Variants in PRKG1 observed in about 807,000 individuals in gnomAD.
PRKG1 encodes the protein protein kinase cGMP-dependent 1.
PRKG1 carries 35 observed loss-of-function variants against 88.1 expected under a neutral mutation model. The ratio of observed to expected loss-of-function variants is 0.40; its 90% confidence interval spans 0.30 to 0.53. The LOEUF (loss-of-function observed/expected upper bound fraction) is 0.53, where lower values mean the gene tolerates loss of function less well. Ranked by LOEUF, PRKG1 falls within the 20% of genes least tolerant of loss-of-function variation. PRKG1 has a pLI of 0.59. For synonymous variants in PRKG1, 303 were observed against 292.5 expected, an observed-to-expected ratio of 1.04 and a Z score of -0.37; for missense variants, 540 against 839.8, an observed-to-expected ratio of 0.64 and a Z score of 4.41.
rs79184303 is a variant in PRKG1, at chr10:51,403,841, T to C, written c.479-63882T>C. 1.1e-4 allele frequency among the ~76,000 whole-genome samples: 17 copies of C among 152,312 alleles called. No individual in the cohort carries two copies. The East Asian group carries it at 2.9e-3, about 26-fold the overall frequency. ...TAATCTATGTGCTTTATCTCATATA[T>C]TGACATATAACAATTATAAAAGAAA... is the stretch of plus-strand genomic sequence containing the variant. On this transcript the variant is annotated intron_variant, in intron 2 of 17. Transcript: ENST00000373980.
rs1304960390 is a variant in PRKG1, at chr10:51,627,990, TTCTCTCTC to T, written c.592+160168_592+160175del. Among the ~76,000 whole-genome samples the T allele has an allele frequency of 3.6e-4, 13 of 36,204 alleles. 1 individual carries two copies. Among genetic ancestry groups the T allele is most frequent in the Admixed American group, 1.6e-3 (5 of 3,128 alleles). The allele number at this position is 36,204 out of a possible 152,430, so 23.8% of individuals were successfully genotyped here. On this transcript the variant is annotated intron_variant, in intron 3 of 17. Transcript: ENST00000373980. ...TCTTTCTCTTTCTTTCTTTCTTTCT[TTCTCTCTC>T]TCTCTCTCTCTCTTTCTTTCTTTCT... is the stretch of plus-strand genomic sequence containing the variant.
intron 2 of PRKG1, among the ~76,000 whole-genome samples, chr10:51,439,147 C>T (rs367728513): frequency 1.4e-3 from 213 of 151,802 alleles, no homozygotes; most frequent in African/African-American, 5.0e-3. Context: ...CATGTCATGA[C>T]TTTGACCTTC....
At chr10:51,941,909 A>C (rs1842917575) in intron 5 of PRKG1, among the ~76,000 whole-genome samples, 1 of 151,982 alleles carries the variant, frequency 6.6e-6, no homozygotes, top group East Asian at 1.9e-4. Context: ...TGCCGCAATA[A>C]ACATATGTGT....
chr10:51,599,740 A>T (rs1838549393), intron 3 of PRKG1, among the ~76,000 whole-genome samples: 1 of 152,174 alleles, frequency 6.6e-6, no homozygotes, highest in Non-Finnish European at 1.5e-5. Flanking sequence ...GGCTATTTTA[A>T]TGCAAACTTG....
chr10:52,143,760 T>G (rs1837649580), intron 8 of PRKG1, among the ~76,000 whole-genome samples: 1 of 152,174 alleles, frequency 6.6e-6, no homozygotes, highest in Admixed American at 6.5e-5. Flanking sequence ...CAATACCTTC[T>G]GCCAACAAAG....
intron 3 of PRKG1, among the ~76,000 whole-genome samples, chr10:51,722,280 A>G (rs1224166572): frequency 6.6e-6 from 1 of 151,902 alleles, no homozygotes; most frequent in Non-Finnish European, 1.5e-5. Flanking sequence ...TTGCCATCAC[A>G]ATTTTCTTCT....
Position 51,839,691 on chromosome 10 carries a change from A to G in PRKG1, c.698+35001A>G, listed in dbSNP as rs192082280. Among the ~76,000 whole-genome samples, 181 of 152,294 alleles carry G rather than the reference A, an allele frequency of 1.2e-3. 1 individual carries two copies. The highest frequency in any genetic ancestry group is 4.2e-3 in the African/African-American group (174 of 41,566). On this transcript the variant is annotated intron_variant, in intron 4 of 17. Coordinates refer to ENST00000373980, the MANE Select transcript of PRKG1 (RefSeq NM_006258.4). ...AGTGGTTTACTAACCAATATTCTAC[A>G]GGGAAGAATTATTCTTTACCTTATG...
chr10:52,121,366 C>T (rs1373524276), intron 7 of PRKG1, among the ~76,000 whole-genome samples: 2 of 152,186 alleles, frequency 1.3e-5, no homozygotes, highest in Non-Finnish European at 2.9e-5. Context: ...AGTCGCTTGA[C>T]CACACGGTTA....
intron 1 of PRKG1, among the ~76,000 whole-genome samples, chr10:51,094,697 AC>A (rs1844487596): frequency 6.6e-6 from 1 of 152,102 alleles, no homozygotes; most frequent in African/African-American, 2.4e-5. Flanking sequence ...GAAATAGGAA[AC>A]ACAAAAGCTG....
intron 7 of PRKG1, among the ~76,000 whole-genome samples, chr10:52,088,563 GAAC>G (rs900404429): frequency 6.6e-6 from 1 of 152,072 alleles, no homozygotes; most frequent in African/African-American, 2.4e-5. Context: ...TGCTGTGTGT[GAAC>G]ACAGCGTTCA....
At chr10:52,167,352 C>T (rs1838511161) in intron 9 of PRKG1, among the ~76,000 whole-genome samples, 1 of 152,012 alleles carries the variant, frequency 6.6e-6, no homozygotes, top group South Asian at 2.1e-4. Flanking sequence ...AAAAGAGATC[C>T]ACCCCTATAA....
chr10:51,613,477 A>G (rs1033330745), intron 3 of PRKG1, among the ~76,000 whole-genome samples: 8 of 151,194 alleles, frequency 5.3e-5, no homozygotes. Flanking sequence ...TTTTCATTTT[A>G]TTGATTCTTT....
intron 3 of PRKG1, among the ~76,000 whole-genome samples, chr10:51,600,309 T>G (rs1424611858): frequency 2.6e-5 from 4 of 152,160 alleles, no homozygotes; most frequent in Non-Finnish European, 5.9e-5. Context: ...CACTACTGAT[T>G]ATGGCCTTCT....
chr10:51,443,867 C>A (rs2132753846), intron 2 of PRKG1, among the ~76,000 whole-genome samples: 1 of 152,056 alleles, frequency 6.6e-6, no homozygotes, highest in African/African-American at 2.4e-5. Flanking sequence ...ATAACTGTTG[C>A]ACATCTTGAA....
At chr10:51,336,633 G>A (rs1841883320) in intron 2 of PRKG1, among the ~76,000 whole-genome samples, 1 of 152,084 alleles carries the variant, frequency 6.6e-6, no homozygotes. Context: ...GAAATTGTTT[G>A]GCATTTTGTT....
chr10:52,120,479 T>C (rs1038780472), intron 7 of PRKG1, among the ~76,000 whole-genome samples: 3 of 152,182 alleles, frequency 2.0e-5, no homozygotes, highest in Non-Finnish European at 4.4e-5. Context: ...TCTCTCCAGC[T>C]GTGAGCCTAT....
chr10:52,074,206 T>C (rs1846575181), intron 7 of PRKG1, among the ~76,000 whole-genome samples: 1 of 152,174 alleles, frequency 6.6e-6, no homozygotes, highest in Non-Finnish European at 1.5e-5. Context: ...GTTGGGAAAT[T>C]GGTTTTTTAG....
chr10:51,027,238 A>G (rs1001381230), intron 1 of PRKG1, among the ~76,000 whole-genome samples: 2 of 152,194 alleles, frequency 1.3e-5, no homozygotes, highest in African/African-American at 4.8e-5. Context: ...ATGCTTCACA[A>G]ATCTTATTAG....
At chr10:51,692,250 C>T (rs1409027842) in intron 3 of PRKG1, among the ~76,000 whole-genome samples, 4 of 151,740 alleles carry the variant, frequency 2.6e-5, no homozygotes, top group Admixed American at 2.6e-4. Flanking sequence ...AAAAAAATCA[C>T]ATTATGAATT....
Sources: gnomAD v4.1 joint callset for allele counts (sites outside exome capture counted in the v4.1 genomes callset) on GRCh38, gnomAD v4.1.1 for gene constraint, MANE v1.5 for transcripts, NCBI Gene and HGNC (gene_info 2026-07-23, HGNC 2026-07-21) for gene names.